Variants in ZNF655 observed in about 807,000 individuals in gnomAD.
ZNF655 encodes the protein zinc finger protein 655.
A neutral mutation model predicts 6.6 loss-of-function variants in ZNF655; 3 were observed. The observed-to-expected ratio is 0.46, with a 90% CI of 0.21 to 1.18. The LOEUF (loss-of-function observed/expected upper bound fraction) is 1.18. Among genes scored for constraint, ZNF655 ranks in the 50% most tolerant of loss-of-function variants. The pLI is 0.24. For missense variants in ZNF655, 526 were observed against 572.3 expected, an observed-to-expected ratio of 0.92 and a Z score of 0.83; for synonymous variants, 178 against 195.0, an observed-to-expected ratio of 0.91 and a Z score of 0.73.
At chr7:99,562,562 TAAGGTCTCTGAG>T in intron 2 of ZNF655, 1 of 1,540,892 alleles carries the variant, frequency 6.5e-7, no homozygotes, top group Non-Finnish European at 8.8e-7. Flanking sequence ...TTCCTAAGTA[TAAGGTCTCTGAG>T]AAGGTCTGTA....
At chr7:99,566,378 A>G (rs1449128636) in intron 2 of ZNF655, among the ~76,000 whole-genome samples, 1 of 152,224 alleles carries the variant, frequency 6.6e-6, no homozygotes, top group South Asian at 2.1e-4. Flanking sequence ...CAGAAAGGAC[A>G]TGCATTCAAA....
rs1453198052 is a variant in ZNF655, at chr7:99,565,729, C to T, written c.136+5034C>T. ...CCATAAAGGGGACCGAGTTGCTTTT[C>T]ACATGGGTAAGTGTGGCAGGTGCCC... is the stretch of plus-strand genomic sequence containing the variant. On this transcript the variant is annotated intron_variant, in intron 2 of 2. Transcript: ENST00000252713. 2.0e-5 allele frequency among the ~76,000 whole-genome samples: 3 copies of T among 152,176 alleles called. No individual in the cohort carries two copies. In the East Asian group the frequency reaches 5.8e-4, roughly 29 times the overall value.
In ZNF655 at chr7:99,575,920, A is replaced by G. The variant is rs2151175294; in HGVS notation, c.*2336A>G. 1 of 152,318 alleles carries G rather than the reference A, an allele frequency of 6.6e-6. No homozygotes were observed. The highest frequency in any genetic ancestry group is 1.9e-4 in the East Asian group (1 of 5,192). 9.4% of individuals were successfully genotyped at this position (152,318 alleles called of 1,614,324 possible). ...CAGGGCCACCATCATATACCTAACA[A>G]GAGTTCATGATTCTTTAGGTAATGT... is the stretch of plus-strand genomic sequence containing the variant. On this transcript the variant is annotated 3_prime_UTR_variant, in exon 3 of 3. Coordinates refer to ENST00000252713, the MANE Select transcript of ZNF655 (RefSeq NM_138494.3).
chr7:99,569,757 A>C (rs912601072), intron 2 of ZNF655, among the ~76,000 whole-genome samples: 7 of 152,188 alleles, frequency 4.6e-5, no homozygotes, highest in African/African-American at 1.7e-4. Flanking sequence ...TCTCTCTTCT[A>C]AACTGTGATA....
At chr7:99,566,428 A>G (rs779430212) in intron 2 of ZNF655, among the ~76,000 whole-genome samples, 6 of 152,254 alleles carry the variant, frequency 3.9e-5, no homozygotes, top group Non-Finnish European at 8.8e-5. Flanking sequence ...TCCAACAGGT[A>G]TCTACAAAAG....
At chr7:99,560,751 A>AT in intron 2 of ZNF655, 56 bp downstream of exon 2, 1 of 1,590,154 alleles carries the variant, frequency 6.3e-7, no homozygotes, top group South Asian at 1.1e-5. Flanking sequence ...GGGGCTCCCG[A>AT]GGGGGCTCCT....
chr7:99,566,984 A>G (rs1034002101), intron 2 of ZNF655, among the ~76,000 whole-genome samples: 5 of 152,104 alleles, frequency 3.3e-5, no homozygotes, highest in African/African-American at 9.7e-5. Context: ...TGGTGGCACA[A>G]TGTCAGCTCA....
rs377052333 is a variant in ZNF655, at chr7:99,572,406, C to T, written c.298C>T (p.Gln100Ter). Reference protein sequence around the residue: ...YKSEDRLERLQEILRKFLYLE... With the variant: ...YKSEDRLERL ...GTCTGAGGACAGATTAGAAAGACTT[C>T]AGGAAATTCTAAGGAAATTTCTGTA... Residue 100 changes from glutamine to a stop codon, truncating the protein, a stop_gained, in exon 3 of 3, where the codon CAG becomes TAG. Coordinates refer to ENST00000252713, the MANE Select transcript of ZNF655 (RefSeq NM_138494.3). LOFTEE classifies it low-confidence loss of function (END_TRUNC). 1.2e-6 allele frequency: 2 copies of T among 1,613,530 alleles called. No individual in the cohort carries two copies. The highest frequency in any genetic ancestry group is 2.2e-5 in the East Asian group (1 of 44,870).
chr7:99,562,087 C>T, intron 2 of ZNF655: 1 of 966,324 alleles, frequency 1.0e-6, no homozygotes, highest in South Asian at 2.1e-5. Flanking sequence ...TAGCAGACTC[C>T]AGTTTGGGAA....
At position 99,574,942 on chromosome 7, in the gene ZNF655, C is replaced by T. The variant is rs952909233; in HGVS notation, c.*1358C>T. On this transcript the variant is annotated 3_prime_UTR_variant, in exon 3 of 3. Transcript: ENST00000252713. ...TGTCTTATTTCCTAAAGTGAAGCAT[C>T]TTTTTTTAAAAAAGAATTTGATTGA... 1 of 152,232 alleles carries T rather than the reference C, an allele frequency of 6.6e-6. No individual in the cohort carries two copies. Among genetic ancestry groups the T allele is most frequent in the African/African-American group, 2.4e-5 (1 of 41,422 alleles). The allele number at this position is 152,232 out of a possible 1,614,324, so 9.4% of individuals were successfully genotyped here.
At chr7:99,566,418 T>A (rs532722270) in intron 2 of ZNF655, among the ~76,000 whole-genome samples, 1 of 152,268 alleles carries the variant, frequency 6.6e-6, no homozygotes, top group African/African-American at 2.4e-5. Context: ...CACATTCCAG[T>A]CCAACAGGTA....
In ZNF655 at chr7:99,573,015, TA is replaced by T. The variant is rs1438861460; in HGVS notation, c.908del (p.Tyr303SerfsTer89). ...HKKIHTRAKSYKCSSCERVFS... is the reference protein window; with the variant it reads ...HKKIHTRAKSXKCSSCERVFS... ...GAAAATTCACACCAGAGCCAAATCTTACAAATGTAGCAGTTGTGAAAGAGTC... is the reference window on the plus strand; with the variant it reads ...GAAAATTCACACCAGAGCCAAATCTTCAAATGTAGCAGTTGTGAAAGAGTC... On this transcript the variant is annotated frameshift_variant, in exon 3 of 3. Coordinates refer to ENST00000252713, the MANE Select transcript of ZNF655 (RefSeq NM_138494.3). LOFTEE classifies it low-confidence loss of function (END_TRUNC). 1.9e-6 allele frequency: 3 copies of T among 1,614,150 alleles called. No homozygotes were observed. The Admixed American group carries it at 5.0e-5, about 27-fold the overall frequency.
At chr7:99,562,382 C>T (rs752578132) in intron 2 of ZNF655, 9 of 1,613,954 alleles carry the variant, frequency 5.6e-6, no homozygotes, top group South Asian at 1.1e-5. Context: ...TTGTGACATT[C>T]GAGGATGTGG....
rs558490125 is a variant in ZNF655, at chr7:99,563,039, G to C, written c.136+2344G>C. 8.9e-4 allele frequency: 219 copies of C among 246,428 alleles called. 1 individual carries two copies. The highest frequency in any genetic ancestry group is 4.6e-3 in the African/African-American group (202 of 44,348). 15.3% of individuals were successfully genotyped at this position (246,428 alleles called of 1,614,324 possible). On this transcript the variant is annotated intron_variant, in intron 2 of 2. Transcript: ENST00000252713. ...GCAGAACTTGAGATGTCATTTGAAG[G>C]CATGACTCACTGTGAGTACATTTCA...
chr7:99,573,360 A>G lies in ZNF655; in HGVS notation c.1252A>G (p.Ser418Gly), dbSNP rs1261432930. 6.2e-7 allele frequency: 1 copy of G among 1,614,214 alleles called. No homozygotes were observed. Among genetic ancestry groups the G allele is most frequent in the East Asian group, 2.2e-5 (1 of 44,870 alleles). ...ATGTAATGAATGTGGAAAAGCTTTC[A>G]GTCAAACCTCATGCCTTATTCAGCA... ...HECNECGKAF[S>G]QTSCLIQHHK... Residue 418 changes from serine to glycine, a missense_variant, in exon 3 of 3, where the codon AGT (serine) becomes GGT (glycine). Ser to Gly is a moderately conservative substitution (Grantham distance 56, BLOSUM62 0). Transcript: ENST00000252713.
chr7:99,566,021 A>ATGTGTGTGTGTGTGTG lies in ZNF655; in HGVS notation c.136+5332_136+5347dup, dbSNP rs34698828. Reference sequence around the variant, plus strand: ...ACACACACAGACATAGGACATTTATATGTGTGTGTGTGTGTGTGTGTATAT... The same window carrying ATGTGTGTGTGTGTGTG: ...ACACACACAGACATAGGACATTTATATGTGTGTGTGTGTGTGTGTGTGTGTGTGTGTGTGTGTATAT... On this transcript the variant is annotated intron_variant, in intron 2 of 2. Coordinates refer to ENST00000252713, the MANE Select transcript of ZNF655 (RefSeq NM_138494.3). Among the ~76,000 whole-genome samples, 74 of 149,968 alleles carry ATGTGTGTGTGTGTGTG rather than the reference A, an allele frequency of 4.9e-4. No individual in the cohort carries two copies. In the East Asian group the frequency reaches 5.1e-3, roughly 10 times the overall value.
At chr7:99,561,950 G>A in intron 2 of ZNF655, 2 of 1,595,926 alleles carry the variant, frequency 1.3e-6, no homozygotes, top group East Asian at 4.7e-5. Context: ...CCAGGCAGCT[G>A]CGCTCTTGAC....
chr7:99,564,074 C>T (rs887834716), intron 2 of ZNF655: 1 of 1,588,426 alleles, frequency 6.3e-7, no homozygotes, highest in Non-Finnish European at 8.6e-7. Context: ...TTAAAATTGA[C>T]TGATGGAATA....
intron 2 of ZNF655, chr7:99,564,650 A>G (rs1356325422): frequency 4.1e-6 from 4 of 984,706 alleles, no homozygotes; most frequent in East Asian, 2.3e-4. Flanking sequence ...TGACATACAT[A>G]TAATTGTAAA....
Sources: allele counts gnomAD v4.1 joint callset (sites outside exome capture counted in the v4.1 genomes callset), GRCh38; gene constraint gnomAD v4.1.1; transcripts MANE v1.5; gene names NCBI Gene and HGNC (gene_info 2026-07-23, HGNC 2026-07-21).